NKAIN2: variants seen among roughly 807,000 people sequenced by gnomAD.
The protein encoded by NKAIN2 is sodium/potassium-transporting ATPase subunit beta-1-interacting protein 2.
A neutral mutation model predicts 32.6 loss-of-function variants in NKAIN2; 14 were observed. The observed-to-expected ratio is 0.43, with a 90% CI of 0.28 to 0.67. NKAIN2 has a LOEUF of 0.67. Ranked by LOEUF, NKAIN2 falls within the 30% of genes least tolerant of loss-of-function variation. The pLI is 0.17. For synonymous variants in NKAIN2, 80 were observed against 87.2 expected (o/e 0.92, Z 0.46); for missense variants, 198 against 258.3 (o/e 0.77, Z 1.60).
chr6:123,951,941 G>A (rs1410713268), intron 1 of NKAIN2, among the ~76,000 whole-genome samples: 1 of 150,718 alleles, frequency 6.6e-6, no homozygotes, highest in Non-Finnish European at 1.5e-5. Context: ...TTTCTATAGT[G>A]GTAACATTTG....
At chr6:124,611,692 A>T (rs620423) in intron 3 of NKAIN2, among the ~76,000 whole-genome samples, 29,458 of 152,132 alleles carry the variant, frequency 0.19, 2,973 homozygotes, top group Middle Eastern at 0.24. Flanking sequence ...GGATTAGAAT[A>T]AAATAGTTGT....
intron 3 of NKAIN2, among the ~76,000 whole-genome samples, chr6:124,536,335 G>A (rs1779713667): frequency 6.6e-6 from 1 of 152,094 alleles, no homozygotes; most frequent in African/African-American, 2.4e-5. Flanking sequence ...AACTCCTAAA[G>A]TAGAAATAAT....
intron 3 of NKAIN2, among the ~76,000 whole-genome samples, chr6:124,407,595 T>C (rs1773924645): frequency 6.6e-6 from 1 of 152,122 alleles, no homozygotes; most frequent in Non-Finnish European, 1.5e-5. Flanking sequence ...CAGTCTATCA[T>C]TGTTGGACAT....
intron 3 of NKAIN2, among the ~76,000 whole-genome samples, chr6:124,588,950 G>A (rs1406540104): frequency 2.6e-5 from 4 of 151,970 alleles, no homozygotes; most frequent in South Asian, 2.1e-4. Context: ...GTATTTTCCC[G>A]TTATGGCAAA....
intron 1 of NKAIN2, among the ~76,000 whole-genome samples, chr6:124,028,940 T>TACAC (rs1781282898): frequency 8.7e-6 from 1 of 115,400 alleles, no homozygotes; most frequent in African/African-American, 3.3e-5. Context: ...TATATATATA[T>TACAC]AGTTTTCAAG....
intron 3 of NKAIN2, among the ~76,000 whole-genome samples, chr6:124,422,818 A>G (rs1318554214): frequency 6.6e-6 from 1 of 152,220 alleles, no homozygotes; most frequent in Non-Finnish European, 1.5e-5. Context: ...AGTGAAAATC[A>G]CTGTGAGGTT....
At chr6:124,775,843 T>C (rs1345762422) in intron 4 of NKAIN2, among the ~76,000 whole-genome samples, 1 of 152,200 alleles carries the variant, frequency 6.6e-6, no homozygotes, top group Non-Finnish European at 1.5e-5. Flanking sequence ...GATTTTTTTT[T>C]CCTTTTACTA....
chr6:124,609,072 T>A (rs1432624229), intron 3 of NKAIN2, among the ~76,000 whole-genome samples: 1 of 152,156 alleles, frequency 6.6e-6, no homozygotes, highest in Non-Finnish European at 1.5e-5. Flanking sequence ...TCCATGAACA[T>A]AGGAATTGTT....
At chr6:124,082,218 G>A (rs953970250) in intron 1 of NKAIN2, among the ~76,000 whole-genome samples, 2 of 152,118 alleles carry the variant, frequency 1.3e-5, no homozygotes, top group African/African-American at 4.8e-5. Flanking sequence ...TCTGATGTTA[G>A]TAGTCTTTCC....
chr6:124,433,741 A>G (rs928627397), intron 3 of NKAIN2, among the ~76,000 whole-genome samples: 5 of 152,174 alleles, frequency 3.3e-5, no homozygotes, highest in African/African-American at 1.2e-4. Flanking sequence ...AGAGGCTACC[A>G]TGAATATTTG....
chr6:124,239,079 A>C (rs931816507), intron 1 of NKAIN2, among the ~76,000 whole-genome samples: 5 of 152,142 alleles, frequency 3.3e-5, no homozygotes, highest in African/African-American at 1.2e-4. Flanking sequence ...TTTACCAAGC[A>C]AAAACAAAAA....
chr6:124,334,183 C>T (rs551137036), intron 2 of NKAIN2, among the ~76,000 whole-genome samples: 1 of 152,292 alleles, frequency 6.6e-6, no homozygotes, highest in African/African-American at 2.4e-5. Context: ...ATGGTTCTCT[C>T]TTCAGGAGAT....
chr6:124,653,721 C>T (rs988085108), intron 3 of NKAIN2, among the ~76,000 whole-genome samples: 25 of 151,946 alleles, frequency 1.6e-4, no homozygotes, highest in African/African-American at 5.6e-4. Context: ...AAAGACAAGC[C>T]ATAGACTGGT....
chr6:124,387,851 C>G (rs935772259), intron 3 of NKAIN2, among the ~76,000 whole-genome samples: 11 of 152,038 alleles, frequency 7.2e-5, no homozygotes, highest in African/African-American at 2.7e-4. Context: ...TCAAGAAATA[C>G]TAGCCAAATT....
intron 1 of NKAIN2, among the ~76,000 whole-genome samples, chr6:123,835,038 C>A (rs952258301): frequency 7.2e-5 from 11 of 152,064 alleles, no homozygotes; most frequent in African/African-American, 2.7e-4. Flanking sequence ...CTTGTATTGT[C>A]TGTATCTGGT....
chr6:124,702,771 C>T (rs1176222159), intron 4 of NKAIN2, among the ~76,000 whole-genome samples: 1 of 152,038 alleles, frequency 6.6e-6, no homozygotes, highest in African/African-American at 2.4e-5. Flanking sequence ...TCGGTCATTA[C>T]AATTCCACGC....
rs968081833 is a variant in NKAIN2 at position 124,001,813 on chromosome 6, A to G, written c.54+197559A>G. ...CTCTTAGTTCTAAATATATATATATATATATATATATATATATATGCAAGC... is the reference window on the plus strand; with the variant it reads ...CTCTTAGTTCTAAATATATATATATGTATATATATATATATATATGCAAGC... On this transcript the variant is annotated intron_variant, in intron 1 of 6. Transcript: ENST00000368417. 9.1e-4 allele frequency among the ~76,000 whole-genome samples: 134 copies of G among 146,890 alleles called. 4 individuals carry two copies. Among genetic ancestry groups the G allele is most frequent in the African/African-American group, 3.3e-3 (134 of 40,580 alleles).
At chr6:124,420,704 G>A (rs1774707221) in intron 3 of NKAIN2, among the ~76,000 whole-genome samples, 1 of 152,080 alleles carries the variant, frequency 6.6e-6, no homozygotes, top group Admixed American at 6.6e-5. Flanking sequence ...CATTTGCTTT[G>A]CGGGGTCACA....
intron 1 of NKAIN2, among the ~76,000 whole-genome samples, chr6:124,150,725 A>C (rs1258989603): frequency 6.6e-6 from 1 of 152,122 alleles, no homozygotes; most frequent in Non-Finnish European, 1.5e-5. Flanking sequence ...TCCTATGTCA[A>C]ATATAAGGGG....
Sources: allele counts gnomAD v4.1 joint callset (sites outside exome capture counted in the v4.1 genomes callset), GRCh38; gene constraint gnomAD v4.1.1; transcripts MANE v1.5; gene names NCBI Gene and HGNC (gene_info 2026-07-23, HGNC 2026-07-21).